PARD3: variants seen among roughly 807,000 people sequenced by gnomAD.
PARD3 encodes par-3 family cell polarity regulator, also known as partitioning defective 3 homolog.
A neutral mutation model predicts 155.4 loss-of-function variants in PARD3; 75 were observed. The ratio of observed to expected loss-of-function variants is 0.48; its 90% CI spans 0.40 to 0.58. The LOEUF is 0.58. Ranked by LOEUF, PARD3 falls within the 20% of genes least tolerant of loss-of-function variation. The pLI, the probability that PARD3 is intolerant of heterozygous loss-of-function variation, is 0.00. For missense variants in PARD3, 1,642 were observed against 1,721.7 expected (o/e 0.95, Z 0.82); for synonymous variants, 576 against 610.5 (o/e 0.94, Z 0.83).
intron 3 of PARD3, among the ~76,000 whole-genome samples, chr10:34,504,614 C>T (rs567131893): frequency 1.3e-5 from 2 of 152,180 alleles, no homozygotes; most frequent in South Asian, 4.1e-4. Flanking sequence ...AGAGAGACTA[C>T]CAGCTGTCCA....
At chr10:34,224,819 C>T (rs1424812469) in intron 22 of PARD3, among the ~76,000 whole-genome samples, 1 of 152,116 alleles carries the variant, frequency 6.6e-6, no homozygotes, top group East Asian at 1.9e-4. Context: ...GAGCACTTAT[C>T]CATCATCCTG....
chr10:34,315,679 G>A (rs1211807353), intron 20 of PARD3, among the ~76,000 whole-genome samples: 1 of 152,170 alleles, frequency 6.6e-6, no homozygotes, highest in East Asian at 1.9e-4. Context: ...GAACAAAAAG[G>A]CCCTTGGCTA....
At chr10:34,336,939 C>G (rs2134273582) in intron 17 of PARD3, among the ~76,000 whole-genome samples, 2 of 152,092 alleles carry the variant, frequency 1.3e-5, no homozygotes, top group Middle Eastern at 6.8e-3. Flanking sequence ...CAACCAAATA[C>G]AATTTCAATG....
intron 4 of PARD3, among the ~76,000 whole-genome samples, chr10:34,469,351 C>T (rs536489339): frequency 2.6e-4 from 39 of 152,172 alleles, no homozygotes; most frequent in Non-Finnish European, 5.0e-4. Context: ...CCAGGAGTTC[C>T]ACCTGCCTTG....
intron 2 of PARD3, among the ~76,000 whole-genome samples, chr10:34,587,915 A>G (rs2088253291): frequency 6.6e-6 from 1 of 152,322 alleles, no homozygotes; most frequent in Admixed American, 6.5e-5. Context: ...ATACTCACAC[A>G]GGGGCCACAA....
Position 34,136,735 on chromosome 10 carries a change from T to C in PARD3, c.3420-5152A>G, listed in dbSNP as rs757534168. The stretch of plus-strand genomic sequence containing the variant: ...AATACCCTCTTCTTTCCCTTCCATC[T>C]TTCCAAATTCTACCAGTAAGTCTAA... On this transcript the variant is annotated intron_variant, in intron 22 of 24. Transcript: ENST00000374788. Among the ~76,000 whole-genome samples, 10 of 152,284 alleles carry C rather than the reference T, an allele frequency of 6.6e-5. No homozygotes were observed. In the South Asian group the frequency reaches 8.3e-4, roughly 13 times the overall value.
At chr10:34,468,045 G>C (rs1480267662) in intron 4 of PARD3, among the ~76,000 whole-genome samples, 1 of 152,154 alleles carries the variant, frequency 6.6e-6, no homozygotes, top group East Asian at 1.9e-4. Flanking sequence ...AGTGACAGAA[G>C]CAAGTTGAGT....
At chr10:34,756,887 C>T (rs1257471651) in intron 1 of PARD3, among the ~76,000 whole-genome samples, 2 of 152,198 alleles carry the variant, frequency 1.3e-5, no homozygotes, top group Non-Finnish European at 2.9e-5. Context: ...TCAACCACTG[C>T]TTTCTTCTCC....
chr10:34,241,362 C>T (rs559325218), intron 22 of PARD3, among the ~76,000 whole-genome samples: 10 of 151,340 alleles, frequency 6.6e-5, no homozygotes, highest in South Asian at 4.2e-4. Context: ...AGGAGGCCAG[C>T]GTGGCTGGAC....
intron 20 of PARD3, among the ~76,000 whole-genome samples, chr10:34,295,875 A>C (rs1956885108): frequency 6.6e-6 from 1 of 152,246 alleles, no homozygotes; most frequent in African/African-American, 2.4e-5. Flanking sequence ...AGTGAACAAC[A>C]TGAGCAGACA....
chr10:34,434,467 G>C (rs1186542589), intron 5 of PARD3, among the ~76,000 whole-genome samples: 2 of 152,210 alleles, frequency 1.3e-5, no homozygotes, highest in South Asian at 2.1e-4. Flanking sequence ...GTCAGCATAA[G>C]ACATGCTGTG....
At position 34,110,934 on chromosome 10, in the gene PARD3, C is replaced by G; in HGVS notation, c.*235G>C. The G allele has an allele frequency of 4.5e-6, 2 of 443,180 alleles. No individual in the cohort carries two copies. The highest frequency in any genetic ancestry group is 7.9e-6 in the Non-Finnish European group (2 of 251,966). 27.5% of individuals were successfully genotyped at this position (443,180 alleles called of 1,614,324 possible). A position where few individuals can be genotyped will look rare whatever the true frequency, so the allele number is the denominator to read the frequency against. ...GGAGAGGCGCAGAGCATATGAACAC[C>G]TCAAACAGATGATTGTCACAGGGTG... On this transcript the variant is annotated 3_prime_UTR_variant, in exon 25 of 25. Transcript: ENST00000374788.
At chr10:34,301,642 C>G (rs1957150388) in intron 20 of PARD3, among the ~76,000 whole-genome samples, 1 of 152,126 alleles carries the variant, frequency 6.6e-6, no homozygotes, top group African/African-American at 2.4e-5. Flanking sequence ...AGCCCTTCCC[C>G]CTCTTCCACC....
At chr10:34,327,456 C>T (rs1018539670) in intron 19 of PARD3, among the ~76,000 whole-genome samples, 4 of 152,230 alleles carry the variant, frequency 2.6e-5, no homozygotes, top group African/African-American at 9.6e-5. Context: ...GATTTCCACA[C>T]TGCTGAGAAG....
intron 2 of PARD3, among the ~76,000 whole-genome samples, chr10:34,601,316 G>T (rs1004272929): frequency 2.6e-5 from 4 of 151,622 alleles, no homozygotes; most frequent in African/African-American, 9.7e-5. Context: ...AGTGGCAGGG[G>T]CCTGTGGTCC....
intron 2 of PARD3, among the ~76,000 whole-genome samples, chr10:34,691,474 C>T (rs1199618220): frequency 6.6e-6 from 1 of 152,190 alleles, no homozygotes; most frequent in Admixed American, 6.5e-5. Flanking sequence ...ATGTTCCATG[C>T]TCTTGGATTG....
At chr10:34,270,499 A>G (rs911436109) in intron 21 of PARD3, among the ~76,000 whole-genome samples, 4 of 152,206 alleles carry the variant, frequency 2.6e-5, no homozygotes, top group African/African-American at 9.6e-5. Flanking sequence ...AAAACTCGCA[A>G]GGAACAGATC....
At chr10:34,257,004 G>T (rs191541006) in intron 22 of PARD3, among the ~76,000 whole-genome samples, 115 of 152,198 alleles carry the variant, frequency 7.6e-4, no homozygotes, top group African/African-American at 2.5e-3. Flanking sequence ...AAGAAAACAG[G>T]TATCTTTTAA....
chr10:34,706,262 C>T lies in PARD3; in HGVS notation c.121-9843G>A, dbSNP rs533803524. Among the ~76,000 whole-genome samples, 38 of 152,252 alleles carry T rather than the reference C, an allele frequency of 2.5e-4. 1 individual carries two copies. The highest frequency in any genetic ancestry group is 6.5e-4 in the African/African-American group (27 of 41,552). On this transcript the variant is annotated intron_variant, in intron 1 of 24. Transcript: ENST00000374788. ...CTGAGACTCAGAGAGCATAAATAGC[C>T]GGCAAGAGGTCACAATTCATAAATG...
Sources: allele counts gnomAD v4.1 joint callset (sites outside exome capture counted in the v4.1 genomes callset), GRCh38; gene constraint gnomAD v4.1.1; transcripts MANE v1.5; gene names NCBI Gene and HGNC (gene_info 2026-07-23, HGNC 2026-07-21).